Variants in NCR1 observed in about 807,000 individuals in gnomAD.
NCR1 encodes NK cell-activating receptor.
A neutral mutation model predicts 32.5 loss-of-function variants in NCR1; 30 were observed. That is an observed-to-expected ratio of 0.92 (90% confidence interval 0.69 to 1.25). NCR1 has a LOEUF of 1.25. NCR1 is among the 50% of genes most tolerant of loss of function. NCR1 has a pLI of 0.00. For missense variants in NCR1, 369 were observed against 380.7 expected (o/e 0.97, Z 0.26); for synonymous variants, 169 against 143.4 (o/e 1.18, Z -1.28).
chr19:54,922,044 A>G, the NCR1 span, among the ~76,000 whole-genome samples: 1 of 151,902 alleles, frequency 6.6e-6, no homozygotes, highest in Middle Eastern at 3.4e-3. Flanking sequence ...TTACAGGCAT[A>G]CACCACCCCA....
At chr19:54,905,262 T>A (rs1273276671), upstream of NCR1, among the ~76,000 whole-genome samples, 1 of 152,170 alleles carries the variant, frequency 6.6e-6, no homozygotes, top group Non-Finnish European at 1.5e-5. Flanking sequence ...AATTTCTGGC[T>A]TTTCAGTAAT....
chr19:54,934,698 C>G, the NCR1 span: 1 of 1,535,620 alleles, frequency 6.5e-7, no homozygotes, highest in Non-Finnish European at 8.9e-7. The surrounding 1 kb of genome is among the most constrained non-coding windows in gnomAD (Gnocchi z 6.7). Context: ...TCTGGGAGGA[C>G]AGAGTATACC....
chr19:54,934,759 G>A, the NCR1 span: 1 of 974,740 alleles, frequency 1.0e-6, no homozygotes, highest in Non-Finnish European at 1.5e-6. The surrounding 1 kb of genome is among the most constrained non-coding windows in gnomAD (Gnocchi z 6.7). Flanking sequence ...GCCCAGTCTG[G>A]AATGCAAAGG....
At chr19:54,922,827 A>C in the NCR1 span, among the ~76,000 whole-genome samples, 1 of 150,502 alleles carries the variant, frequency 6.6e-6, no homozygotes. Context: ...GACACATACA[A>C]AGACAGAGAT....
chr19:54,906,683 G>A lies in NCR1; in HGVS notation c.231G>A (p.Arg77=). ...FAVDRPKPPE[R]INKVQFYIPD... ...TGGACAGACCAAAACCCCCTGAGCG[G>A]ATTAACAAAGTCCAATTCTACATCC... The change falls in exon 3 of 7, where the codon CGG becomes CGA. Residue 77 remains arginine, a synonymous_variant. Coordinates refer to ENST00000291890, the MANE Select transcript of NCR1 (RefSeq NM_004829.7). 1.2e-6 allele frequency: 2 copies of A among 1,614,206 alleles called. No individual in the cohort carries two copies. The highest frequency in any genetic ancestry group is 1.7e-6 in the Non-Finnish European group (2 of 1,180,044).
At chr19:54,913,919 T>A (rs1284577571), downstream of NCR1, among the ~76,000 whole-genome samples, 1 of 151,868 alleles carries the variant, frequency 6.6e-6, no homozygotes, top group African/African-American at 2.4e-5. Context: ...AATATAAAAA[T>A]TAGCCAGGTA....
chr19:54,923,683 C>T, the NCR1 span: 1 of 1,600,298 alleles, frequency 6.2e-7, no homozygotes. Context: ...ATTCATAAGA[C>T]ATCTTAGAGA....
the NCR1 span, among the ~76,000 whole-genome samples, chr19:54,925,563 T>C: frequency 3.9e-5 from 6 of 152,292 alleles, no homozygotes; most frequent in South Asian, 4.1e-4. Flanking sequence ...CCGGGTACTT[T>C]GTGAGGCCAA....
At chr19:54,911,354 A>G in intron 5 of NCR1, among the ~76,000 whole-genome samples, 1 of 128,580 alleles carries the variant, frequency 7.8e-6, no homozygotes, top group Non-Finnish European at 1.6e-5. Context: ...GTCTCAAAAA[A>G]AAAGAAAAAG....
chr19:54,933,612 A>G, the NCR1 span: 1 of 1,614,178 alleles, frequency 6.2e-7, no homozygotes. Context: ...AAGCCCTCAC[A>G]CAGAAACTTC....
At chr19:54,919,789 G>A (rs915715212), downstream of NCR1, among the ~76,000 whole-genome samples, 5 of 139,044 alleles carry the variant, frequency 3.6e-5, no homozygotes, top group South Asian at 4.6e-4. Context: ...TTTTGCTACC[G>A]CTGGACCATG....
the NCR1 span, chr19:54,923,466 T>C: frequency 3.8e-6 from 2 of 525,148 alleles, no homozygotes; most frequent in Non-Finnish European, 3.4e-6. Context: ...CAGAGTACCA[T>C]GTTTATTGCA....
downstream of NCR1, among the ~76,000 whole-genome samples, chr19:54,920,814 C>T (rs1463968811): frequency 1.3e-5 from 2 of 152,096 alleles, no homozygotes; most frequent in African/African-American, 4.8e-5. Flanking sequence ...CACAGCACCA[C>T]CACCATCTTG....
upstream of NCR1, chr19:54,906,003 C>G: frequency 2.8e-6 from 2 of 706,204 alleles, no homozygotes; most frequent in Non-Finnish European, 4.9e-6. Flanking sequence ...AGAGGGACCA[C>G]GGCCTTTCTG....
chr19:54,914,264 G>A (rs1252996536), downstream of NCR1, among the ~76,000 whole-genome samples: 2 of 148,684 alleles, frequency 1.3e-5, no homozygotes, highest in African/African-American at 2.5e-5. Context: ...ACAACGTGCA[G>A]GTTAGTTACA....
chr19:54,923,712 T>G, the NCR1 span: 1 of 1,611,928 alleles, frequency 6.2e-7, no homozygotes, highest in East Asian at 2.2e-5. Context: ...CCGCTTCCTG[T>G]GTAATTCGTA....
At chr19:54,903,312 A>G (rs587639127), upstream of NCR1, among the ~76,000 whole-genome samples, 14 of 137,464 alleles carry the variant, frequency 1.0e-4, no homozygotes, top group Non-Finnish European at 2.0e-4. Context: ...GTATATGTAT[A>G]CATACATGTA....
chr19:54,914,089 AAAT>A (rs1346088580), downstream of NCR1, among the ~76,000 whole-genome samples: 1 of 151,494 alleles, frequency 6.6e-6, no homozygotes, highest in Admixed American at 6.6e-5. Context: ...GAAAAAAAAA[AAAT>A]AAGTGACTCC....
At chr19:54,934,758 G>T in the NCR1 span, 2 of 973,526 alleles carry the variant, frequency 2.1e-6, no homozygotes, top group Non-Finnish European at 3.0e-6. This position sits in a 1 kb window ranked among gnomAD's most constrained non-coding sequence, Gnocchi z 6.7. Context: ...TGCCCAGTCT[G>T]GAATGCAAAG....
Sources: allele counts gnomAD v4.1 joint callset (sites outside exome capture counted in the v4.1 genomes callset), GRCh38; gene constraint gnomAD v4.1.1; non-coding constraint Gnocchi (gnomAD v3.1); transcripts MANE v1.5; gene names NCBI Gene and HGNC (gene_info 2026-07-23, HGNC 2026-07-21).